Variants in WWOX observed in about 807,000 individuals in gnomAD.
WWOX encodes WW domain containing oxidoreductase.
In WWOX, 69 loss-of-function variants were observed where a neutral mutation model predicts 46.2. The ratio of observed to expected loss-of-function variants is 1.49; its 90% confidence interval spans 1.23 to 1.82. The LOEUF is 1.82. Ranked by LOEUF, WWOX falls within the 40% of genes most tolerant of loss-of-function variation. WWOX has a pLI of 0.00. For synonymous variants in WWOX, 359 were observed against 202.6 expected (o/e 1.77, Z -6.56); for missense variants, 919 against 542.6 (o/e 1.69, Z -6.89).
At chr16:78,484,159 T>C (rs780511818) in intron 8 of WWOX, among the ~76,000 whole-genome samples, 17 of 152,158 alleles carry the variant, frequency 1.1e-4, no homozygotes, top group Non-Finnish European at 2.2e-4. Flanking sequence ...AACATATGAA[T>C]TTGTAGGAGC....
chr16:78,263,996 C>CTTTTTTCTT (rs2079304874), intron 5 of WWOX, among the ~76,000 whole-genome samples: 1 of 78,816 alleles, frequency 1.3e-5, no homozygotes, highest in Non-Finnish European at 2.2e-5. Context: ...GCTGTGAAAT[C>CTTTTTTCTT]TTTTTTTTTT....
chr16:78,324,013 G>A (rs1206887154), intron 5 of WWOX, among the ~76,000 whole-genome samples: 2 of 152,106 alleles, frequency 1.3e-5, no homozygotes, highest in East Asian at 1.9e-4. Context: ...TTTCCCCTAT[G>A]AGATTATTTC....
At chr16:78,868,822 C>G (rs977596474) in intron 8 of WWOX, among the ~76,000 whole-genome samples, 7 of 152,168 alleles carry the variant, frequency 4.6e-5, no homozygotes, top group Non-Finnish European at 8.8e-5. Context: ...GAGGAAAGAC[C>G]TGCAGCTCTT....
intron 8 of WWOX, among the ~76,000 whole-genome samples, chr16:79,022,943 A>T (rs947454448): frequency 6.6e-6 from 1 of 152,186 alleles, no homozygotes; most frequent in Non-Finnish European, 1.5e-5. Context: ...TCTGCTAATA[A>T]TACCTATGGC....
At chr16:78,617,770 C>T (rs913348255) in intron 8 of WWOX, among the ~76,000 whole-genome samples, 26 of 152,248 alleles carry the variant, frequency 1.7e-4, no homozygotes, top group African/African-American at 6.3e-4. Context: ...CACGCATTGG[C>T]CCTATCCACA....
chr16:78,715,353 G>A lies in WWOX; in HGVS notation c.1056+282601G>A, dbSNP rs112080360. On this transcript the variant is annotated intron_variant, in intron 8 of 8. Coordinates refer to ENST00000566780, the MANE Select transcript of WWOX (RefSeq NM_016373.4). Reference sequence around the variant, plus strand: ...CATTTGTCAAAGTTCTTCATCCCCAGCTTTGTGATTCTCTAGGTTATTCAT... The same window carrying A: ...CATTTGTCAAAGTTCTTCATCCCCAACTTTGTGATTCTCTAGGTTATTCAT... Among the ~76,000 whole-genome samples, 1,128 of 152,240 alleles carry A rather than the reference G, an allele frequency of 7.4e-3. 15 individuals carry two copies. Among genetic ancestry groups the A allele is most frequent in the African/African-American group, 0.025 (1,052 of 41,530 alleles).
chr16:78,907,905 C>T (rs1262540959), intron 8 of WWOX, among the ~76,000 whole-genome samples: 1 of 152,200 alleles, frequency 6.6e-6, no homozygotes, highest in Non-Finnish European at 1.5e-5. Context: ...AATTCACCAA[C>T]TGCAAGGGGC....
At chr16:78,807,969 G>T (rs540882645) in intron 8 of WWOX, among the ~76,000 whole-genome samples, 2 of 152,208 alleles carry the variant, frequency 1.3e-5, no homozygotes, top group Non-Finnish European at 2.9e-5. Context: ...CTGCTTTGGA[G>T]ACTGGTTCTC....
At chr16:78,858,144 T>TTGTCTG (rs139524965) in intron 8 of WWOX, among the ~76,000 whole-genome samples, 2 of 148,540 alleles carry the variant, frequency 1.3e-5, no homozygotes, top group African/African-American at 5.0e-5. Flanking sequence ...CATTGTGTGT[T>TTGTCTG]TGTGTGTGTG....
At chr16:78,715,843 G>C (rs969080174) in intron 8 of WWOX, among the ~76,000 whole-genome samples, 3 of 152,136 alleles carry the variant, frequency 2.0e-5, no homozygotes, top group Non-Finnish European at 4.4e-5. Flanking sequence ...TTCTGCATGT[G>C]TCTATTTGGC....
intron 8 of WWOX, among the ~76,000 whole-genome samples, chr16:78,572,986 G>A (rs1450437779): frequency 6.6e-6 from 1 of 152,184 alleles, no homozygotes; most frequent in Middle Eastern, 3.4e-3. Flanking sequence ...GCTTCCTGTA[G>A]TAAAAATTAA....
intron 5 of WWOX, among the ~76,000 whole-genome samples, chr16:78,315,610 A>C (rs1471427331): frequency 6.6e-6 from 1 of 152,152 alleles, no homozygotes; most frequent in South Asian, 2.1e-4. Flanking sequence ...AGATCATGCC[A>C]CTGTACTCCA....
At chr16:79,000,668 GCA>G (rs2047075636) in intron 8 of WWOX, among the ~76,000 whole-genome samples, 1 of 152,174 alleles carries the variant, frequency 6.6e-6, no homozygotes, top group African/African-American at 2.4e-5. Flanking sequence ...TTTGATTTTA[GCA>G]CAGTGATACC....
intron 8 of WWOX, among the ~76,000 whole-genome samples, chr16:79,041,593 TG>T (rs2047972695): frequency 6.6e-6 from 1 of 152,078 alleles, no homozygotes; most frequent in Admixed American, 6.5e-5. Flanking sequence ...GGTTGGCCTC[TG>T]GGAGTACGGG....
At chr16:79,067,993 G>T (rs2048473709) in intron 8 of WWOX, among the ~76,000 whole-genome samples, 1 of 152,202 alleles carries the variant, frequency 6.6e-6, no homozygotes, top group Non-Finnish European at 1.5e-5. Flanking sequence ...CACAAAAGCA[G>T]AACTCACAGA....
intron 6 of WWOX, among the ~76,000 whole-genome samples, chr16:78,389,150 T>G (rs2082124198): frequency 6.6e-6 from 1 of 152,162 alleles, no homozygotes; most frequent in South Asian, 2.1e-4. Flanking sequence ...GAGAGAGCCC[T>G]CCTGTGTGTG....
At chr16:78,117,450 A>G (rs2032856104) in intron 4 of WWOX, among the ~76,000 whole-genome samples, 1 of 152,184 alleles carries the variant, frequency 6.6e-6, no homozygotes, top group African/African-American at 2.4e-5. Flanking sequence ...AATTTTTGAA[A>G]TAATATCGTA....
At chr16:78,958,544 G>T (rs12446617) in intron 8 of WWOX, among the ~76,000 whole-genome samples, 8,979 of 152,212 alleles carry the variant, frequency 0.059, 442 homozygotes, top group East Asian at 0.27. Context: ...GGAAGTTATG[G>T]TGCCTTGCAG....
intron 8 of WWOX, among the ~76,000 whole-genome samples, chr16:78,714,169 C>T (rs903747923): frequency 6.6e-6 from 1 of 152,192 alleles, no homozygotes; most frequent in East Asian, 1.9e-4. Flanking sequence ...ATTTCTTCAA[C>T]ATATATGTCC....
Sources: allele counts gnomAD v4.1 joint callset (sites outside exome capture counted in the v4.1 genomes callset), GRCh38; gene constraint gnomAD v4.1.1; transcripts MANE v1.5; gene names NCBI Gene and HGNC (gene_info 2026-07-23, HGNC 2026-07-21).